Variants in PCDHA11 observed in about 807,000 individuals in gnomAD.
PCDHA11 encodes protocadherin alpha 11, also known as protocadherin alpha-11.
In PCDHA11, 61 loss-of-function variants were observed where a neutral mutation model predicts 70.3. The ratio of observed to expected loss-of-function variants is 0.87; its 90% CI spans 0.71 to 1.07. The LOEUF (loss-of-function observed/expected upper bound fraction) is 1.07, where lower values mean the gene tolerates loss of function less well. Among genes scored for constraint, PCDHA11 ranks in the 50% least tolerant of loss-of-function variants. The pLI is 0.00. For missense variants in PCDHA11, 1,324 were observed against 1,237.5 expected (o/e 1.07, Z -1.05); for synonymous variants, 633 against 555.1 (o/e 1.14, Z -1.97).
chr5:140,966,351 T>C (rs2095993357), intron 1 of PCDHA11: 1 of 397,668 alleles, frequency 2.5e-6, no homozygotes, highest in South Asian at 1.4e-4. Flanking sequence ...GTGAAGGAGA[T>C]GGGGCTGGAG....
chr5:140,926,405 T>C (rs1554203436), intron 1 of PCDHA11: 1 of 152,454 alleles, frequency 6.6e-6, no homozygotes, highest in Non-Finnish European at 1.5e-5. Context: ...TTATCAGCAA[T>C]CTGCGGGCAG....
At chr5:140,975,365 A>G (rs186836387) in intron 1 of PCDHA11, among the ~76,000 whole-genome samples, 5 of 152,370 alleles carry the variant, frequency 3.3e-5, no homozygotes, top group Admixed American at 2.0e-4. Context: ...GCTACATAGC[A>G]TAATGTAATC....
At chr5:140,968,781 C>G in intron 1 of PCDHA11, 1 of 1,614,182 alleles carries the variant, frequency 6.2e-7, no homozygotes. Context: ...TCACTATCAG[C>G]CTCTGTGGCC....
chr5:140,885,920 C>T (rs1554182299), intron 1 of PCDHA11, among the ~76,000 whole-genome samples: 1 of 151,998 alleles, frequency 6.6e-6, no homozygotes, highest in East Asian at 1.9e-4. Context: ...TAGATATTAA[C>T]TGTTTATCTA....
At chr5:140,946,801 G>C (rs2094030166) in intron 1 of PCDHA11, among the ~76,000 whole-genome samples, 1 of 151,430 alleles carries the variant, frequency 6.6e-6, no homozygotes, top group African/African-American at 2.4e-5. Flanking sequence ...TAGAAGCAGA[G>C]AGTATAACAG....
At chr5:140,906,609 T>C (rs376857630) in intron 1 of PCDHA11, among the ~76,000 whole-genome samples, 2 of 152,348 alleles carry the variant, frequency 1.3e-5, no homozygotes, top group East Asian at 3.9e-4. Flanking sequence ...TCATTCTGTA[T>C]TCCCTTTGCC....
chr5:140,928,424 C>A, intron 1 of PCDHA11: 1 of 1,614,184 alleles, frequency 6.2e-7, no homozygotes, highest in Non-Finnish European at 8.5e-7. Context: ...ACTGCCAAAA[C>A]TTCCTTTGAC....
At chr5:140,876,028 A>G in intron 1 of PCDHA11, 1 of 1,613,716 alleles carries the variant, frequency 6.2e-7, no homozygotes, top group Non-Finnish European at 8.5e-7. Flanking sequence ...AAAAACAAAA[A>G]AAGATAAAAG....
intron 3 of PCDHA11, among the ~76,000 whole-genome samples, chr5:140,995,291 G>A (rs958346050): frequency 1.4e-4 from 22 of 152,086 alleles, no homozygotes; most frequent in African/African-American, 4.6e-4. Flanking sequence ...ACAGCCAGTC[G>A]GATACCAAGA....
chr5:140,891,956 G>T (rs528674370), intron 1 of PCDHA11, among the ~76,000 whole-genome samples: 1 of 152,344 alleles, frequency 6.6e-6, no homozygotes, highest in South Asian at 2.1e-4. Flanking sequence ...CCAGAATTGT[G>T]AGAAGTAAAT....
chr5:140,883,696 G>T (rs142212706), intron 1 of PCDHA11: 2 of 1,613,818 alleles, frequency 1.2e-6, no homozygotes, highest in Non-Finnish European at 1.7e-6. Flanking sequence ...ACATCTTCAC[G>T]GTGTCTGCTC....
At chr5:140,893,987 T>A (rs112405686) in intron 1 of PCDHA11, among the ~76,000 whole-genome samples, 1 of 152,202 alleles carries the variant, frequency 6.6e-6, no homozygotes, top group Non-Finnish European at 1.5e-5. Context: ...TTTTAAAATA[T>A]CTCCAATTGT....
At chr5:140,961,561 T>C (rs1554225472) in intron 1 of PCDHA11, among the ~76,000 whole-genome samples, 1 of 152,170 alleles carries the variant, frequency 6.6e-6, no homozygotes, top group African/African-American at 2.4e-5. Flanking sequence ...TTTTTTTAAA[T>C]TTTGTTTTGA....
intron 3 of PCDHA11, among the ~76,000 whole-genome samples, chr5:140,994,367 G>C (rs2097617491): frequency 6.6e-6 from 1 of 152,110 alleles, no homozygotes; most frequent in African/African-American, 2.4e-5. Context: ...AGATGGAATT[G>C]GAAATTCAGG....
At chr5:140,929,545 A>T in intron 1 of PCDHA11, 1 of 514,856 alleles carries the variant, frequency 1.9e-6, no homozygotes, top group Non-Finnish European at 3.2e-6. Context: ...ACAAGGGCAA[A>T]AATTAAAACC....
At chr5:140,917,530 T>C (rs2078244431) in intron 1 of PCDHA11, among the ~76,000 whole-genome samples, 1 of 152,262 alleles carries the variant, frequency 6.6e-6, no homozygotes, top group Admixed American at 6.5e-5. Flanking sequence ...ACGGTTTGTA[T>C]AGTTTTAGGT....
intron 3 of PCDHA11, among the ~76,000 whole-genome samples, chr5:140,993,524 A>ACGGG (rs2097569997): frequency 2.0e-5 from 3 of 147,314 alleles, no homozygotes; most frequent in Admixed American, 2.0e-4. Flanking sequence ...AGAGAGAGAC[A>ACGGG]GAGAGAGAGA....
In PCDHA11 at chr5:140,871,170, G is replaced by A. The variant is rs2052777446; in HGVS notation, c.2067G>A (p.Glu689=). The A allele has an allele frequency of 1.2e-6, 2 of 1,613,536 alleles. No individual in the cohort carries two copies. The highest frequency in any genetic ancestry group is 1.7e-6 in the Non-Finnish European group (2 of 1,179,944). The part of the protein sequence containing the change: ...SRTLAGAASP[E]AALVDVNVYL... Reference sequence around the variant, plus strand: ...CTTTGGCGGGCGCCGCGAGCCCAGAGGCTGCGCTGGTGGATGTCAACGTGT... The same window carrying A: ...CTTTGGCGGGCGCCGCGAGCCCAGAAGCTGCGCTGGTGGATGTCAACGTGT... The change falls in exon 1 of 4, where the codon GAG becomes GAA. Residue 689 remains glutamate, a synonymous_variant. Coordinates refer to ENST00000398640, the MANE Select transcript of PCDHA11 (RefSeq NM_018902.5).
At chr5:140,881,195 A>G (rs943462031) in intron 1 of PCDHA11, 1 of 173,206 alleles carries the variant, frequency 5.8e-6, no homozygotes, top group Non-Finnish European at 1.1e-5. Context: ...ATATGTTAAC[A>G]TCTTTGTCTA....
Sources: allele counts gnomAD v4.1 joint callset (sites outside exome capture counted in the v4.1 genomes callset), GRCh38; gene constraint gnomAD v4.1.1; transcripts MANE v1.5; gene names NCBI Gene and HGNC (gene_info 2026-07-23, HGNC 2026-07-21).